The following PTPN4 variants were observed in gnomAD, a reference collection of about 807,000 sequenced individuals.
PTPN4 encodes tyrosine-protein phosphatase non-receptor type 4.
In PTPN4, 49 loss-of-function variants were observed where a neutral mutation model predicts 135.5. The ratio of observed to expected loss-of-function variants is 0.36; its 90% CI spans 0.29 to 0.46. The LOEUF (loss-of-function observed/expected upper bound fraction) is 0.46, where lower values mean the gene tolerates loss of function less well. Among genes scored for constraint, PTPN4 ranks in the 20% least tolerant of loss-of-function variants. The pLI is 1.00. For synonymous variants in PTPN4, 333 were observed against 369.9 expected (o/e 0.90, Z 1.14); for missense variants, 860 against 1,101.0 (o/e 0.78, Z 3.10).
chr2:119,968,087 G>C, intron 26 of PTPN4, 115 bp downstream of exon 26: 1 of 919,514 alleles, frequency 1.1e-6, no homozygotes, highest in Non-Finnish European at 1.5e-6. Flanking sequence ...CCTTGCCATG[G>C]TCAAATAACC....
At chr2:119,922,984 C>T (rs568813142) in intron 12 of PTPN4, among the ~76,000 whole-genome samples, 22 of 152,262 alleles carry the variant, frequency 1.4e-4, no homozygotes, top group Non-Finnish European at 1.5e-5. Flanking sequence ...TTTAATCTCT[C>T]TAGAATATGT....
Position 119,980,484 on chromosome 2 carries a change from A to G in PTPN4, c.*3414A>G, listed in dbSNP as rs1043111845. The G allele has an allele frequency of 1.3e-5, 2 of 151,926 alleles. No homozygotes were observed. The highest frequency in any genetic ancestry group is 4.8e-5 in the African/African-American group (2 of 41,406). 9.4% of individuals were successfully genotyped at this position (151,926 alleles called of 1,614,324 possible). ...TAGCCCATTTTTATCGGCATTAGGA[A>G]ATAGGGTTCAGCAATGGTTATTGAT... On this transcript the variant is annotated 3_prime_UTR_variant, in exon 27 of 27. Coordinates refer to ENST00000263708, the MANE Select transcript of PTPN4 (RefSeq NM_002830.4).
chr2:119,845,298 G>GGGAGAGGGA (rs1213675268), intron 2 of PTPN4, among the ~76,000 whole-genome samples: 23 of 143,912 alleles, frequency 1.6e-4, no homozygotes, highest in African/African-American at 5.7e-4. Flanking sequence ...GAGAGGGAGA[G>GGGAGAGGGA]GGCATTTTTC....
At chr2:119,885,768 AT>A in intron 8 of PTPN4, 26 bp from the exon 9 acceptor site, 2 of 1,464,210 alleles carry the variant, frequency 1.4e-6, no homozygotes, top group Middle Eastern at 1.8e-4. Flanking sequence ...GATTGATCTC[AT>A]TTTTAACTTA....
intron 13 of PTPN4, among the ~76,000 whole-genome samples, chr2:119,927,894 G>A (rs548384041): frequency 2.0e-5 from 3 of 152,102 alleles, no homozygotes; most frequent in African/African-American, 7.2e-5. Context: ...TGTGTTCTTG[G>A]TTTTTTTCTT....
At chr2:119,853,499 T>G (rs1483492885) in intron 2 of PTPN4, among the ~76,000 whole-genome samples, 1 of 152,110 alleles carries the variant, frequency 6.6e-6, no homozygotes, top group Non-Finnish European at 1.5e-5. Context: ...TTAAAAATTT[T>G]TTATGCTATA....
intron 15 of PTPN4, among the ~76,000 whole-genome samples, chr2:119,936,752 C>G (rs1241391456): frequency 6.6e-6 from 1 of 152,150 alleles, no homozygotes; most frequent in African/African-American, 2.4e-5. Context: ...AGTGGAGAAG[C>G]GAGTTCAGGG....
intron 1 of PTPN4, among the ~76,000 whole-genome samples, chr2:119,766,795 A>G (rs1396282162): frequency 6.6e-6 from 1 of 152,098 alleles, no homozygotes; most frequent in Non-Finnish European, 1.5e-5. Flanking sequence ...TATAGATATG[A>G]GATTAGAACT....
At chr2:119,825,232 T>A (rs1439455029) in intron 2 of PTPN4, among the ~76,000 whole-genome samples, 2 of 152,206 alleles carry the variant, frequency 1.3e-5, no homozygotes, top group African/African-American at 2.4e-5. Context: ...CAGCTTTTTT[T>A]TATATATCCA....
intron 25 of PTPN4, among the ~76,000 whole-genome samples, 168 bp from the exon 26 acceptor site, chr2:119,967,669 A>AT (rs1213104501): frequency 2.6e-5 from 4 of 151,922 alleles, no homozygotes; most frequent in Non-Finnish European, 1.5e-5. Flanking sequence ...GAGTCAGTGC[A>AT]TTTTTTTTCT....
rs984013699 is a variant in PTPN4 at position 119,978,470 on chromosome 2, A to C, written c.*1400A>C. On this transcript the variant is annotated 3_prime_UTR_variant, in exon 27 of 27. Coordinates refer to ENST00000263708, the MANE Select transcript of PTPN4 (RefSeq NM_002830.4). Reference sequence around the variant, plus strand: ...AATTAAATTATTCCATTTTATATATACTTATTAAGTTATAAGCATGTTAAT... The same window carrying C: ...AATTAAATTATTCCATTTTATATATCCTTATTAAGTTATAAGCATGTTAAT... 10 of 152,098 alleles carry C rather than the reference A, an allele frequency of 6.6e-5. No homozygotes were observed. Among genetic ancestry groups the C allele is most frequent in the Admixed American group, 4.6e-4 (7 of 15,272 alleles). 9.4% of individuals were successfully genotyped at this position (152,098 alleles called of 1,614,324 possible).
At chr2:119,935,079 G>A in intron 15 of PTPN4, 121 bp downstream of exon 15, 1 of 1,166,742 alleles carries the variant, frequency 8.6e-7, no homozygotes, top group South Asian at 1.6e-5. Context: ...TTTTCAAAAT[G>A]TGTATGTTTG....
chr2:119,951,650 A>G (rs1159337842), intron 18 of PTPN4, among the ~76,000 whole-genome samples: 1 of 152,216 alleles, frequency 6.6e-6, no homozygotes, highest in Non-Finnish European at 1.5e-5. Flanking sequence ...ATTTAATTAA[A>G]TCATGGTAAC....
Position 119,976,211 on chromosome 2 carries a change from A to G in PTPN4, c.2695-773A>G, listed in dbSNP as rs182296095. Reference sequence around the variant, plus strand: ...ACGGGGTTTCACCGTGTTAGCCAGGATGGTCTCGATCTCCTGACCTCGTGA... The same window carrying G: ...ACGGGGTTTCACCGTGTTAGCCAGGGTGGTCTCGATCTCCTGACCTCGTGA... On this transcript the variant is annotated intron_variant, in intron 26 of 26. Coordinates refer to ENST00000263708, the MANE Select transcript of PTPN4 (RefSeq NM_002830.4). Among the ~76,000 whole-genome samples the G allele has an allele frequency of 5.9e-4, 90 of 151,816 alleles. 3 individuals are homozygous for G. In the East Asian group the frequency reaches 0.017, roughly 29 times the overall value.
chr2:119,937,860 A>G (rs916764546), intron 15 of PTPN4, among the ~76,000 whole-genome samples: 1 of 151,918 alleles, frequency 6.6e-6, no homozygotes, highest in Non-Finnish European at 1.5e-5. Flanking sequence ...AGAGCCCAGG[A>G]GTTCGAGGAT....
chr2:119,809,158 A>G (rs1574345810), intron 1 of PTPN4, among the ~76,000 whole-genome samples: 1 of 151,658 alleles, frequency 6.6e-6, no homozygotes, highest in African/African-American at 2.4e-5. Flanking sequence ...TTCTTTCACA[A>G]CTTTGAAGCT....
At chr2:119,784,307 T>C (rs1337512068) in intron 1 of PTPN4, among the ~76,000 whole-genome samples, 1 of 143,516 alleles carries the variant, frequency 7.0e-6, no homozygotes, top group Non-Finnish European at 1.5e-5. Context: ...CAGAATCTCC[T>C]GGGCTCAATC....
At chr2:119,921,965 A>G (rs1478607112) in intron 12 of PTPN4, among the ~76,000 whole-genome samples, 1 of 152,162 alleles carries the variant, frequency 6.6e-6, no homozygotes, top group African/African-American at 2.4e-5. Flanking sequence ...CACACCATTT[A>G]ATTTAGGTAC....
At chr2:119,838,307 G>T (rs7604224) in intron 2 of PTPN4, among the ~76,000 whole-genome samples, 40,498 of 151,746 alleles carry the variant, frequency 0.27, 5,476 homozygotes, top group South Asian at 0.33. Flanking sequence ...TCAAGTGGGC[G>T]GAACAAGCCC....
Sources: allele counts gnomAD v4.1 joint callset (sites outside exome capture counted in the v4.1 genomes callset), GRCh38; gene constraint gnomAD v4.1.1; transcripts MANE v1.5; gene names NCBI Gene and HGNC (gene_info 2026-07-23, HGNC 2026-07-21).